Variants in PRKD1 observed in about 807,000 individuals in gnomAD.
The protein encoded by PRKD1 is serine/threonine-protein kinase D1.
PRKD1 carries 63 observed loss-of-function variants against 95.9 expected under a neutral mutation model. The observed-to-expected ratio is 0.66, with a 90% CI of 0.54 to 0.81. The LOEUF (loss-of-function observed/expected upper bound fraction) is 0.81, where lower values mean the gene tolerates loss of function less well. Among genes scored for constraint, PRKD1 ranks in the 30% least tolerant of loss-of-function variants. The pLI, the probability that PRKD1 is intolerant of heterozygous loss-of-function variation, is 0.00. For synonymous variants in PRKD1, 425 were observed against 423.1 expected (o/e 1.00, Z -0.05); for missense variants, 1,048 against 1,165.3 (o/e 0.90, Z 1.47).
At chr14:29,839,555 C>T (rs1182491225) in intron 1 of PRKD1, among the ~76,000 whole-genome samples, 1 of 152,120 alleles carries the variant, frequency 6.6e-6, no homozygotes, top group Non-Finnish European at 1.5e-5. Context: ...TCTCACAGCT[C>T]CACCAGGCAG....
chr14:29,681,153 G>A (rs892165055), intron 2 of PRKD1, among the ~76,000 whole-genome samples: 34 of 152,180 alleles, frequency 2.2e-4, no homozygotes, highest in Non-Finnish European at 2.2e-4. Context: ...GTTGTTTTAA[G>A]CCAGTAAGTT....
At chr14:29,694,042 C>T (rs1194572177) in intron 2 of PRKD1, among the ~76,000 whole-genome samples, 2 of 152,136 alleles carry the variant, frequency 1.3e-5, no homozygotes, top group Non-Finnish European at 2.9e-5. Context: ...GAACCCTCTA[C>T]CTTCTACAAT....
At chr14:29,870,964 T>C (rs947198868) in intron 1 of PRKD1, among the ~76,000 whole-genome samples, 3 of 152,274 alleles carry the variant, frequency 2.0e-5, no homozygotes, top group Non-Finnish European at 2.9e-5. Context: ...AAATGCTTTG[T>C]CAATATTCTA....
chr14:29,783,056 G>T (rs1384290683), intron 1 of PRKD1, among the ~76,000 whole-genome samples: 1 of 152,112 alleles, frequency 6.6e-6, no homozygotes, highest in Non-Finnish European at 1.5e-5. Context: ...ATAAATCATT[G>T]TTAATTATAG....
At chr14:29,775,595 G>A (rs1209817326) in intron 1 of PRKD1, among the ~76,000 whole-genome samples, 1 of 152,148 alleles carries the variant, frequency 6.6e-6, no homozygotes, top group South Asian at 2.1e-4. Context: ...GCAAGTCTTG[G>A]GGAGGGGCAT....
At chr14:29,692,065 T>C (rs1163606382) in intron 2 of PRKD1, among the ~76,000 whole-genome samples, 1 of 152,184 alleles carries the variant, frequency 6.6e-6, no homozygotes, top group African/African-American at 2.4e-5. Flanking sequence ...ATATTTTAAA[T>C]GTGAAACTTA....
In PRKD1 at chr14:29,759,702, A is replaced by G. The variant is rs180687137; in HGVS notation, c.265-34028T>C. On this transcript the variant is annotated intron_variant, in intron 1 of 17. Coordinates refer to ENST00000331968, the MANE Select transcript of PRKD1 (RefSeq NM_002742.3). ...AAATATGAGAGCTCACCAAGCAAAC[A>G]GAAAATGTGAGAGTCACGGCACGGT... Among the ~76,000 whole-genome samples the G allele has an allele frequency of 2.5e-3, 382 of 152,340 alleles. 2 individuals carry two copies. Among genetic ancestry groups the G allele is most frequent in the Non-Finnish European group, 4.1e-3 (281 of 68,028 alleles).
chr14:29,579,689 T>C (rs1431990972), intron 16 of PRKD1, among the ~76,000 whole-genome samples: 1 of 152,152 alleles, frequency 6.6e-6, no homozygotes, highest in East Asian at 1.9e-4. Context: ...GAGAACCATA[T>C]CTCTATGGAG....
chr14:29,608,680 C>T (rs958158315), intron 13 of PRKD1, among the ~76,000 whole-genome samples: 29 of 152,004 alleles, frequency 1.9e-4, no homozygotes, highest in Non-Finnish European at 3.2e-4. Context: ...GTTTTCAGAC[C>T]TCAGTGATGA....
chr14:29,797,699 C>T (rs906056753), intron 1 of PRKD1, among the ~76,000 whole-genome samples: 5 of 152,200 alleles, frequency 3.3e-5, no homozygotes, highest in Admixed American at 1.3e-4. Context: ...GCTACAGACA[C>T]ACACACCACC....
chr14:29,620,875 A>G (rs1207926552), intron 13 of PRKD1, among the ~76,000 whole-genome samples: 3 of 151,826 alleles, frequency 2.0e-5, no homozygotes, highest in Admixed American at 2.0e-4. Flanking sequence ...ACACATGCAC[A>G]TGTATGTTTA....
intron 1 of PRKD1, among the ~76,000 whole-genome samples, chr14:29,732,888 A>T (rs568124848): frequency 6.8e-5 from 10 of 148,090 alleles, no homozygotes; most frequent in African/African-American, 2.5e-4. Context: ...ACTTTAAACA[A>T]TTTGATAGTG....
At chr14:29,865,503 C>G (rs1467394288) in intron 1 of PRKD1, among the ~76,000 whole-genome samples, 1 of 152,120 alleles carries the variant, frequency 6.6e-6, no homozygotes, top group Non-Finnish European at 1.5e-5. Flanking sequence ...TGAGTTGGTT[C>G]ATTATCACAA....
At chr14:29,752,796 A>T (rs1244736962) in intron 1 of PRKD1, among the ~76,000 whole-genome samples, 3 of 152,124 alleles carry the variant, frequency 2.0e-5, no homozygotes, top group African/African-American at 7.2e-5. Flanking sequence ...ACATAAAAAA[A>T]GTAAAAAGAA....
At chr14:29,899,043 G>T (rs796263643) in intron 1 of PRKD1, among the ~76,000 whole-genome samples, 24 of 152,106 alleles carry the variant, frequency 1.6e-4, no homozygotes, top group African/African-American at 5.3e-4. Flanking sequence ...TCTCATTTAT[G>T]ATTCAAATAT....
intron 4 of PRKD1, among the ~76,000 whole-genome samples, chr14:29,646,853 C>T (rs1365664370): frequency 1.3e-5 from 2 of 151,452 alleles, no homozygotes; most frequent in Non-Finnish European, 2.9e-5. Context: ...TCTTTGACAA[C>T]AGAAAAATAT....
chr14:29,793,151 T>C (rs1246215222), intron 1 of PRKD1, among the ~76,000 whole-genome samples: 6 of 152,044 alleles, frequency 3.9e-5, no homozygotes, highest in Admixed American at 3.9e-4. Flanking sequence ...CAAAAGCCTA[T>C]TTTTTGCTTG....
At chr14:29,699,783 C>A (rs1410356069) in intron 2 of PRKD1, among the ~76,000 whole-genome samples, 1 of 152,196 alleles carries the variant, frequency 6.6e-6, no homozygotes, top group East Asian at 1.9e-4. Flanking sequence ...ATAACACATT[C>A]TTTGTTTTAC....
chr14:29,922,073 G>A (rs112266157), intron 1 of PRKD1, among the ~76,000 whole-genome samples: 1,590 of 151,968 alleles, frequency 0.01, 24 homozygotes, highest in African/African-American at 0.036. Context: ...AGGCCAAGGC[G>A]GGCGGATTAC....
Sources: gnomAD v4.1 joint callset for allele counts (sites outside exome capture counted in the v4.1 genomes callset) on GRCh38, gnomAD v4.1.1 for gene constraint, MANE v1.5 for transcripts, NCBI Gene and HGNC (gene_info 2026-07-23, HGNC 2026-07-21) for gene names.